Variants in CHIT1 observed in about 807,000 individuals in gnomAD.
CHIT1 encodes chitotriosidase-1.
A neutral mutation model predicts 52.0 loss-of-function variants in CHIT1; 47 were observed. The ratio of observed to expected loss-of-function variants is 0.90; its 90% confidence interval spans 0.71 to 1.15. The LOEUF is 1.15. Among genes scored for constraint, CHIT1 ranks in the 50% most tolerant of loss-of-function variants. The pLI is 0.00. For synonymous variants in CHIT1, 242 were observed against 228.2 expected (o/e 1.06, Z -0.54); for missense variants, 569 against 583.0 (o/e 0.98, Z 0.25).
chr1:203,229,853 A>G, upstream of CHIT1: 1 of 640,406 alleles, frequency 1.6e-6, no homozygotes, highest in South Asian at 1.7e-5. Flanking sequence ...CTTTTCTGGA[A>G]CAATCAGAGG....
chr1:203,220,263 T>C (rs1656687314), intron 7 of CHIT1, among the ~76,000 whole-genome samples: 2 of 152,206 alleles, frequency 1.3e-5, no homozygotes, highest in Non-Finnish European at 2.9e-5. Context: ...AATATCCATC[T>C]CTTAGGGCAT....
intron 9 of CHIT1, among the ~76,000 whole-genome samples, chr1:203,218,536 G>A (rs1656621001): frequency 6.6e-6 from 1 of 152,140 alleles, no homozygotes; most frequent in South Asian, 2.1e-4. Context: ...TCAGAGTCCA[G>A]CCTTTACTTT....
At chr1:203,218,678 C>T (rs1360930724) in intron 9 of CHIT1, among the ~76,000 whole-genome samples, 5 of 152,126 alleles carry the variant, frequency 3.3e-5, no homozygotes, top group South Asian at 2.1e-4. Flanking sequence ...CAGCCAGGAT[C>T]GTGCCCCCCT....
chr1:203,229,560 A>T, intron 1 of CHIT1, 52 bp downstream of exon 1: 1 of 1,607,838 alleles, frequency 6.2e-7, no homozygotes, highest in Non-Finnish European at 8.5e-7. Flanking sequence ...GAACATCCAC[A>T]TCCCCACCTC....
At chr1:203,227,371 T>C (rs920541596) in intron 2 of CHIT1, among the ~76,000 whole-genome samples, 3 of 152,186 alleles carry the variant, frequency 2.0e-5, no homozygotes, top group Admixed American at 6.5e-5. Flanking sequence ...CCCCAGGCCA[T>C]GTAGGAAGGA....
chr1:203,227,893 C>T (rs74363975), intron 2 of CHIT1, among the ~76,000 whole-genome samples: 2,599 of 152,258 alleles, frequency 0.017, 69 homozygotes, highest in East Asian at 0.099. Context: ...GAGGCACAGT[C>T]GCAGGACAAG....
chr1:203,228,436 T>C, intron 2 of CHIT1, 97 bp downstream of exon 2: 1 of 1,297,836 alleles, frequency 7.7e-7, no homozygotes, highest in Non-Finnish European at 1.1e-6. Context: ...CCCACTGAAA[T>C]CTGGAGCTCT....
At position 203,221,192 on chromosome 1, in the gene CHIT1, C is replaced by G. The variant is rs143894904; in HGVS notation, c.729+1010G>C. Among the ~76,000 whole-genome samples, 26 of 152,276 alleles carry G rather than the reference C, an allele frequency of 1.7e-4. No individual in the cohort carries two copies. In the East Asian group the frequency reaches 5.0e-3, roughly 29 times the overall value. On this transcript the variant is annotated intron_variant, in intron 7 of 10. Transcript: ENST00000367229. Reference sequence around the variant, plus strand: ...CTGACATACAGAGATGTGGGCTCTCCAAAAGTAAAAAGCATTTTAATTTAG... The same window carrying G: ...CTGACATACAGAGATGTGGGCTCTCGAAAAGTAAAAAGCATTTTAATTTAG...
At chr1:203,225,015 G>A in intron 4 of CHIT1, 33 bp downstream of exon 4, 1 of 1,601,904 alleles carries the variant, frequency 6.2e-7, no homozygotes, top group Non-Finnish European at 8.6e-7. Context: ...CCATCCAGGA[G>A]CTTTACCACA....
intron 2 of CHIT1, among the ~76,000 whole-genome samples, chr1:203,227,145 A>G (rs1432562359): frequency 6.6e-6 from 1 of 152,182 alleles, no homozygotes; most frequent in African/African-American, 2.4e-5. Flanking sequence ...TTTTGGGAAG[A>G]GACCGCTCAG....
intron 1 of CHIT1, 92 bp downstream of exon 1, chr1:203,229,520 C>T: frequency 6.8e-7 from 1 of 1,476,560 alleles, no homozygotes. Flanking sequence ...AGTCCTCCTG[C>T]TTCCTTGCAA....
intron 7 of CHIT1, 71 bp from the exon 8 acceptor site, chr1:203,219,920 C>T: frequency 6.4e-7 from 1 of 1,569,240 alleles, no homozygotes; most frequent in Non-Finnish European, 8.7e-7. Context: ...CTGGGGGATC[C>T]AGAGGCAGAG....
rs190314771 is a variant in CHIT1 at position 203,216,667 on chromosome 1, G to A, written c.*222C>T. 4.6e-6 allele frequency: 3 copies of A among 655,328 alleles called. No individual in the cohort carries two copies. The highest frequency in any genetic ancestry group is 6.2e-5 in the East Asian group (2 of 32,176). 40.6% of individuals were successfully genotyped at this position (655,328 alleles called of 1,614,324 possible). A position where few individuals can be genotyped will look rare whatever the true frequency, so the allele number is the denominator to read the frequency against. ...GCCTCTTAAGTCACCACATCTTTGG[G>A]AAGAGGGGCACAAACCAAAGATTTA... On this transcript the variant is annotated 3_prime_UTR_variant, in exon 11 of 11. Transcript: ENST00000367229.
At position 203,219,310 on chromosome 1, in the gene CHIT1, G is replaced by A. The variant is rs771576027; in HGVS notation, c.935C>T (p.Ala312Val). Reference protein sequence around the residue: ...AYYEVCSWKGATKQRIQDQKV... With the variant: ...AYYEVCSWKGVTKQRIQDQKV... ...CTGATCCTGGATTCTCTGTTTGGTG[G>A]CCCCCTTCCAGGAGCAGACCTGTGG... The change falls in exon 9 of 11, where the codon GCC becomes GTC. Residue 312 changes from alanine to valine, a missense_variant. Coordinates refer to ENST00000367229, the MANE Select transcript of CHIT1 (RefSeq NM_003465.3). 3.1e-6 allele frequency: 5 copies of A among 1,609,562 alleles called. No individual in the cohort carries two copies. The East Asian group carries it at 8.9e-5, about 29-fold the overall frequency.
At chr1:203,223,871 C>T (rs1025495562) in intron 4 of CHIT1, among the ~76,000 whole-genome samples, 4 of 152,056 alleles carry the variant, frequency 2.6e-5, no homozygotes, top group Admixed American at 1.3e-4. Context: ...GCACTTTCTA[C>T]CCCCGAACAT....
At chr1:203,224,998 C>G (rs200134893) in intron 4 of CHIT1, 50 bp downstream of exon 4, 30 of 1,550,832 alleles carry the variant, frequency 1.9e-5, no homozygotes, top group Middle Eastern at 1.7e-4. Flanking sequence ...GCCAGTGCAC[C>G]AGGTTCCCAT....
At chr1:203,225,574 C>A in intron 3 of CHIT1, 95 bp downstream of exon 3, 1 of 1,276,914 alleles carries the variant, frequency 7.8e-7, no homozygotes, top group Non-Finnish European at 1.1e-6. Context: ...GGGTCTGTGG[C>A]AGGACCTTAG....
At chr1:203,220,123 T>A (rs1656683136) in intron 7 of CHIT1, among the ~76,000 whole-genome samples, 1 of 152,240 alleles carries the variant, frequency 6.6e-6, no homozygotes, top group African/African-American at 2.4e-5. Flanking sequence ...TGGCCCACTG[T>A]GTGCCAGGCG....
chr1:203,229,719 C>G, upstream of CHIT1: 1 of 1,549,878 alleles, frequency 6.5e-7, no homozygotes, highest in Non-Finnish European at 8.9e-7. Context: ...CCCTGTCCCA[C>G]CCCAGCCAGG....
Sources: gnomAD v4.1 joint callset for allele counts (sites outside exome capture counted in the v4.1 genomes callset) on GRCh38, gnomAD v4.1.1 for gene constraint, MANE v1.5 for transcripts, NCBI Gene and HGNC (gene_info 2026-07-23, HGNC 2026-07-21) for gene names.